EIF2S1: variants seen among roughly 807,000 people sequenced by gnomAD.
EIF2S1 encodes the protein eukaryotic translation initiation factor 2 subunit 1.
In EIF2S1, 5 loss-of-function variants were observed where a neutral mutation model predicts 33.5. The observed-to-expected ratio is 0.15, with a 90% confidence interval of 0.08 to 0.31. EIF2S1 has a LOEUF of 0.31. Among genes scored for constraint, EIF2S1 ranks in the 10% least tolerant of loss-of-function variants. EIF2S1 has a pLI of 1.00. For synonymous variants in EIF2S1, 99 were observed against 127.5 expected (o/e 0.78, Z 1.51); for missense variants, 191 against 384.6 (o/e 0.50, Z 4.21).
intron 2 of EIF2S1, among the ~76,000 whole-genome samples, chr14:67,372,407 G>A (rs761861901): frequency 1.1e-4 from 16 of 152,216 alleles, no homozygotes; most frequent in African/African-American, 2.4e-4. Flanking sequence ...CACTAAAAGC[G>A]TTATCCATGA....
chr14:67,373,019 CAATA>C (rs2085833724), intron 2 of EIF2S1, among the ~76,000 whole-genome samples: 2 of 152,242 alleles, frequency 1.3e-5, no homozygotes, highest in Non-Finnish European at 1.5e-5. Flanking sequence ...ACTGCACAAT[CAATA>C]GATTGACTTT....
chr14:67,373,706 T>TG (rs916701676), intron 2 of EIF2S1, among the ~76,000 whole-genome samples: 4 of 152,238 alleles, frequency 2.6e-5, no homozygotes, highest in East Asian at 1.9e-4. Flanking sequence ...TTAAAAAGAC[T>TG]GGGGGGCGCT....
intron 1 of EIF2S1, among the ~76,000 whole-genome samples, chr14:67,361,727 A>G (rs550280823): frequency 3.3e-4 from 50 of 152,342 alleles, no homozygotes; most frequent in African/African-American, 1.1e-3. Flanking sequence ...AAGGTGGCTG[A>G]TACTTTTTAC....
intron 1 of EIF2S1, among the ~76,000 whole-genome samples, chr14:67,362,520 C>T (rs1329550603): frequency 6.6e-6 from 1 of 152,132 alleles, no homozygotes; most frequent in Non-Finnish European, 1.5e-5. Flanking sequence ...GTACATGGCA[C>T]AGATGAGAAA....
chr14:67,360,730 C>G (rs1174082600), intron 1 of EIF2S1: 1 of 152,482 alleles, frequency 6.6e-6, no homozygotes, highest in Non-Finnish European at 1.5e-5. Flanking sequence ...TACAATATGC[C>G]GAAAGTGAGA....
chr14:67,365,058 A>T, intron 2 of EIF2S1, 50 bp downstream of exon 2: 1 of 1,506,246 alleles, frequency 6.6e-7, no homozygotes, highest in Non-Finnish European at 8.9e-7. Flanking sequence ...AAAATGGTTT[A>T]TTTAAAAATA....
chr14:67,381,216 G>A (rs1331693687), intron 5 of EIF2S1, among the ~76,000 whole-genome samples: 7 of 151,960 alleles, frequency 4.6e-5, no homozygotes, highest in Non-Finnish European at 8.8e-5. Flanking sequence ...ACATAAACCC[G>A]TCCCCTCCTG....
intron 6 of EIF2S1, 33 bp from the exon 7 acceptor site, chr14:67,382,414 A>G (rs1375657054): frequency 1.3e-6 from 2 of 1,590,598 alleles, no homozygotes; most frequent in Admixed American, 3.4e-5. Context: ...CTGTAGGTAC[A>G]TTCATAAATG....
At chr14:67,378,361 T>C (rs1413060008) in intron 4 of EIF2S1, among the ~76,000 whole-genome samples, 1 of 130,872 alleles carries the variant, frequency 7.6e-6, no homozygotes, top group Non-Finnish European at 1.6e-5. Context: ...GTAGAAAAGG[T>C]GGGAATAGTA....
intron 5 of EIF2S1, 144 bp from the exon 6 acceptor site, chr14:67,381,449 T>G (rs2085887415): frequency 1.9e-6 from 1 of 532,752 alleles, no homozygotes; most frequent in Non-Finnish European, 3.3e-6. Flanking sequence ...TGCCTCCCTT[T>G]TATAAATAAG....
intron 4 of EIF2S1, among the ~76,000 whole-genome samples, chr14:67,379,010 A>G (rs919626075): frequency 2.7e-4 from 41 of 152,324 alleles, no homozygotes; most frequent in African/African-American, 8.7e-4. Flanking sequence ...ATATAAGCCT[A>G]TTATTAAGCA....
At chr14:67,372,442 T>C (rs1183454543) in intron 2 of EIF2S1, among the ~76,000 whole-genome samples, 2 of 152,190 alleles carry the variant, frequency 1.3e-5, no homozygotes, top group Non-Finnish European at 2.9e-5. Context: ...TAATTGGACC[T>C]TATCAAAATT....
Position 67,385,077 on chromosome 14 carries a change from C to CT in EIF2S1, c.*1641dup, listed in dbSNP as rs2085912956. 6.6e-6 allele frequency: 1 copy of CT among 152,152 alleles called. No individual in the cohort carries two copies. The highest frequency in any genetic ancestry group is 1.5e-5 in the Non-Finnish European group (1 of 68,032). The allele number at this position is 152,152 out of a possible 1,614,324, so 9.4% of individuals were successfully genotyped here. On this transcript the variant is annotated 3_prime_UTR_variant, in exon 8 of 8. Transcript: ENST00000256383. ...TGAGTGATTTTTATCCCACGTGGGC[C>CT]TTTTGCTCAGTTCCATGGCAATTTT...
intron 4 of EIF2S1, among the ~76,000 whole-genome samples, chr14:67,378,466 G>A (rs2085869544): frequency 6.6e-6 from 1 of 152,104 alleles, no homozygotes; most frequent in Admixed American, 6.5e-5. Context: ...CTGAAGCTGA[G>A]ATTAAATAAT....
chr14:67,368,565 G>A (rs1473046288), intron 2 of EIF2S1, among the ~76,000 whole-genome samples: 2 of 152,152 alleles, frequency 1.3e-5, no homozygotes, highest in Non-Finnish European at 2.9e-5. Context: ...TAGAAGCTAA[G>A]AAAACAGAAT....
chr14:67,374,131 A>G (rs1397332084), intron 2 of EIF2S1, among the ~76,000 whole-genome samples: 5 of 152,202 alleles, frequency 3.3e-5, no homozygotes, highest in African/African-American at 7.2e-5. Context: ...CAAATCCAAA[A>G]TGCTCCAAAA....
chr14:67,371,474 G>T (rs1296941193), intron 2 of EIF2S1, among the ~76,000 whole-genome samples: 1 of 152,068 alleles, frequency 6.6e-6, no homozygotes, highest in Non-Finnish European at 1.5e-5. Context: ...CAGTCATGTG[G>T]TGCTTAATGA....
intron 4 of EIF2S1, among the ~76,000 whole-genome samples, chr14:67,378,323 T>TC: frequency 6.6e-6 from 1 of 150,554 alleles, no homozygotes; most frequent in African/African-American, 2.4e-5. Context: ...ACTTTTTTTT[T>TC]TTTTTTTTTT....
intron 1 of EIF2S1, 28 bp from the exon 2 acceptor site, chr14:67,364,739 T>G (rs941872513): frequency 9.4e-6 from 15 of 1,595,130 alleles, no homozygotes; most frequent in African/African-American, 1.3e-5. Context: ...AACTGAATAC[T>G]TACTTAATTC....
Sources: allele counts gnomAD v4.1 joint callset (sites outside exome capture counted in the v4.1 genomes callset), GRCh38; gene constraint gnomAD v4.1.1; transcripts MANE v1.5; gene names NCBI Gene and HGNC (gene_info 2026-07-23, HGNC 2026-07-21).